The following SLC2A9 variants were observed in gnomAD, a reference collection of about 807,000 sequenced individuals.
SLC2A9 encodes the protein solute carrier family 2, facilitated glucose transporter member 9.
In SLC2A9, 39 loss-of-function variants were observed where a neutral mutation model predicts 50.6. That is an observed-to-expected ratio of 0.77 (90% CI 0.60 to 1.01). The LOEUF is 1.01. Among genes scored for constraint, SLC2A9 ranks in the 50% least tolerant of loss-of-function variants. The pLI is 0.00. For missense variants in SLC2A9, 686 were observed against 677.6 expected (o/e 1.01, Z -0.14); for synonymous variants, 324 against 276.9 (o/e 1.17, Z -1.69).
At chr4:9,782,803 G>T (rs755250137) in intron 3 of SLC2A9, 2 of 1,613,782 alleles carry the variant, frequency 1.2e-6, no homozygotes, top group South Asian at 2.2e-5. Context: ...AGATCCGCAG[G>T]ATTTCCTCCC....
exon 4 of SLC2A9, chr4:9,799,137 C>G (rs954519170): frequency 7.2e-5 from 11 of 152,154 alleles, no homozygotes; most frequent in African/African-American, 2.7e-4. Context: ...TTGTTCCTCT[C>G]TACAGACAGA....
At chr4:9,847,912 G>A (rs1729238551) in intron 10 of SLC2A9, among the ~76,000 whole-genome samples, 1 of 152,184 alleles carries the variant, frequency 6.6e-6, no homozygotes, top group Admixed American at 6.5e-5. Context: ...AACTGAAAGA[G>A]CAAAGGAATT....
Position 9,834,981 on chromosome 4 carries a change from T to C in SLC2A9, c.1319A>G (p.Glu440Gly). ...CGGCCGCTGAGATTGCTGGAAGAAC[T>C]CACCAGTCAAGATGAACGGGATGCC... ...PGGIPFILTGEFFQQSQRPAA... is the reference protein window; with the variant it reads ...PGGIPFILTGGFFQQSQRPAA... Residue 440 changes from glutamate (E) to glycine (G), a missense_variant, in exon 11 of 12, where the codon GAG (glutamate) becomes GGG (glycine). Physicochemically the swap from Glu to Gly is moderately conservative, Grantham distance 98 (BLOSUM62 -2). Coordinates refer to ENST00000264784, the MANE Select transcript of SLC2A9 (RefSeq NM_020041.3). The C allele has an allele frequency of 3.1e-6, 5 of 1,613,716 alleles. No individual in the cohort carries two copies. In the South Asian group the frequency reaches 3.3e-5, roughly 11 times the overall value.
intron 2 of SLC2A9, among the ~76,000 whole-genome samples, chr4:10,018,542 A>AAGATGATAGAT (rs1553915007): frequency 5.8e-5 from 8 of 137,228 alleles, no homozygotes; most frequent in East Asian, 2.2e-4. Context: ...CTCCATCTCA[A>AAGATGATAGAT]AGATGATAGA....
At chr4:9,842,908 G>C (rs756593276) in intron 10 of SLC2A9, among the ~76,000 whole-genome samples, 1 of 152,158 alleles carries the variant, frequency 6.6e-6, no homozygotes, top group Non-Finnish European at 1.5e-5. Flanking sequence ...ATGCAGGGAA[G>C]AGTGCAGGGA....
intron 2 of SLC2A9, among the ~76,000 whole-genome samples, chr4:10,017,766 G>A (rs13107466): frequency 0.44 from 66,735 of 151,676 alleles, 16,281 homozygotes; most frequent in South Asian, 0.59. Context: ...AGAACCTGGA[G>A]CTCCCCGCAT....
At chr4:9,798,957 A>G (rs1720952852), downstream of SLC2A9, 1 of 152,210 alleles carries the variant, frequency 6.6e-6, no homozygotes, top group Admixed American at 6.5e-5. Context: ...TGCCATAGTA[A>G]AGGAGTTGGT....
At chr4:9,823,045 T>G (rs536097628), downstream of SLC2A9, among the ~76,000 whole-genome samples, 1 of 152,240 alleles carries the variant, frequency 6.6e-6, no homozygotes, top group African/African-American at 2.4e-5. Context: ...AGTCCTTACA[T>G]GTTTTCATTA....
chr4:10,038,415 G>A (rs914271093), intron 1 of SLC2A9, among the ~76,000 whole-genome samples: 1 of 145,532 alleles, frequency 6.9e-6, no homozygotes, highest in African/African-American at 2.5e-5. Context: ...GCTGAGGCAG[G>A]AGAATCACTT....
intron 5 of SLC2A9, among the ~76,000 whole-genome samples, chr4:9,943,735 G>A (rs945204014): frequency 2.0e-5 from 3 of 152,210 alleles, no homozygotes; most frequent in Non-Finnish European, 2.9e-5. Flanking sequence ...CGCTAGGCCT[G>A]TGTGTGGTGG....
At chr4:10,026,171 T>A (rs543431433), upstream of SLC2A9, among the ~76,000 whole-genome samples, 258 of 152,332 alleles carry the variant, frequency 1.7e-3, no homozygotes, top group Non-Finnish European at 2.7e-3. Context: ...CTCCCTGCTC[T>A]CCTCTGTCCT....
At position 9,945,753 on chromosome 4, in the gene SLC2A9, T is replaced by C. The variant is rs145565841; in HGVS notation, c.682-3708A>G. On this transcript the variant is annotated intron_variant, in intron 5 of 11. Transcript: ENST00000264784. ...CCTCAGTGGCCCTTGATGGAGCTCC[T>C]GGGCACTTGGTCCCAACACAGAGCT... Among the ~76,000 whole-genome samples the C allele has an allele frequency of 1.6e-4, 24 of 152,330 alleles. No homozygotes were observed. The East Asian group carries it at 4.6e-3, about 29-fold the overall frequency.
intron 5 of SLC2A9, 45 bp from the exon 6 acceptor site, chr4:9,942,090 T>C (rs1198335500): frequency 2.5e-6 from 4 of 1,612,488 alleles, no homozygotes; most frequent in Non-Finnish European, 1.7e-6. Context: ...CCTTTGGTCA[T>C]TGTTGAGGGG....
At chr4:9,779,285 GC>G (rs1433282667), downstream of SLC2A9, among the ~76,000 whole-genome samples, 1 of 151,974 alleles carries the variant, frequency 6.6e-6, no homozygotes, top group Non-Finnish European at 1.5e-5. Flanking sequence ...TAAACATCTT[GC>G]CTTGGCCAAC....
intron 7 of SLC2A9, among the ~76,000 whole-genome samples, chr4:9,911,680 GC>G (rs1397336496): frequency 2.6e-5 from 4 of 152,214 alleles, no homozygotes; most frequent in Non-Finnish European, 4.4e-5. Context: ...AAGCGATTTT[GC>G]ATCTCGGAAT....
intron 10 of SLC2A9, chr4:9,879,382 A>ATGTG (rs3834811): frequency 7.3e-5 from 67 of 919,698 alleles, no homozygotes; most frequent in African/African-American, 6.9e-4. Context: ...TTATGTGTGT[A>ATGTG]TGTGTGTGTG....
chr4:9,877,146 C>A (rs545941906), intron 10 of SLC2A9, among the ~76,000 whole-genome samples: 1 of 152,312 alleles, frequency 6.6e-6, no homozygotes, highest in Admixed American at 6.5e-5. Flanking sequence ...TTCGACTCCC[C>A]CTAAAGTGCT....
intron 10 of SLC2A9, among the ~76,000 whole-genome samples, chr4:9,881,041 C>T (rs536691677): frequency 6.6e-6 from 1 of 152,240 alleles, no homozygotes; most frequent in African/African-American, 2.4e-5. Flanking sequence ...CTGACTCCTC[C>T]TCTGTGTCTC....
At chr4:9,940,842 G>A (rs1218517076) in intron 6 of SLC2A9, among the ~76,000 whole-genome samples, 1 of 152,210 alleles carries the variant, frequency 6.6e-6, no homozygotes, top group Non-Finnish European at 1.5e-5. Context: ...TGCACAAATT[G>A]TATATATAAT....
Sources: gnomAD v4.1 joint callset for allele counts (sites outside exome capture counted in the v4.1 genomes callset) on GRCh38, gnomAD v4.1.1 for gene constraint, MANE v1.5 for transcripts, NCBI Gene and HGNC (gene_info 2026-07-23, HGNC 2026-07-21) for gene names.